Variants in MCTP1 observed in about 807,000 individuals in gnomAD.
MCTP1 encodes multiple C2 and transmembrane domain-containing protein 1.
Under a neutral mutation model 120.6 loss-of-function variants are expected in MCTP1, and 69 were observed. That is an observed-to-expected ratio of 0.57 (90% CI 0.47 to 0.70). The LOEUF is 0.70. Ranked by LOEUF, MCTP1 falls within the 30% of genes least tolerant of loss-of-function variation. MCTP1 has a pLI of 0.00. For missense variants in MCTP1, 1,203 were observed against 1,248.8 expected (o/e 0.96, Z 0.55); for synonymous variants, 529 against 493.1 (o/e 1.07, Z -0.96).
chr5:95,171,004 C>CCT, intron 1 of MCTP1, among the ~76,000 whole-genome samples: 1 of 151,968 alleles, frequency 6.6e-6, no homozygotes, highest in Admixed American at 6.6e-5. Context: ...TCTTCCTAGT[C>CCT]TCGATGGTCT....
intron 1 of MCTP1, among the ~76,000 whole-genome samples, chr5:95,246,417 T>A (rs1199299593): frequency 6.6e-6 from 1 of 151,734 alleles, no homozygotes; most frequent in Non-Finnish European, 1.5e-5. Flanking sequence ...CCATCTCACA[T>A]GCAAAGGCAC....
intron 1 of MCTP1, among the ~76,000 whole-genome samples, chr5:95,143,211 T>G (rs1760088110): frequency 2.0e-5 from 3 of 152,146 alleles, no homozygotes; most frequent in South Asian, 4.1e-4. Flanking sequence ...TTATCTTTAT[T>G]AAATTATTCA....
At chr5:94,730,343 G>A (rs953141051) in intron 19 of MCTP1, among the ~76,000 whole-genome samples, 1 of 152,072 alleles carries the variant, frequency 6.6e-6, no homozygotes, top group Non-Finnish European at 1.5e-5. Flanking sequence ...GTTTTTTGTA[G>A]ACATGGGGTC....
chr5:95,234,801 A>G (rs1305913347), intron 1 of MCTP1, among the ~76,000 whole-genome samples: 4 of 152,192 alleles, frequency 2.6e-5, no homozygotes, highest in Non-Finnish European at 5.9e-5. Flanking sequence ...ATAAATGGAT[A>G]AACTGAATAG....
intron 18 of MCTP1, among the ~76,000 whole-genome samples, chr5:94,795,484 T>A (rs1456428222): frequency 6.6e-6 from 1 of 152,218 alleles, no homozygotes; most frequent in African/African-American, 2.4e-5. Flanking sequence ...CTACAGTAAC[T>A]GTAATTTGGA....
At chr5:95,035,608 T>C (rs1841144324) in intron 1 of MCTP1, among the ~76,000 whole-genome samples, 1 of 152,034 alleles carries the variant, frequency 6.6e-6, no homozygotes, top group South Asian at 2.1e-4. Flanking sequence ...GAAAAACTAC[T>C]TATTGGGTAC....
intron 19 of MCTP1, among the ~76,000 whole-genome samples, chr5:94,756,795 C>A (rs1288036043): frequency 6.6e-6 from 1 of 152,044 alleles, no homozygotes; most frequent in Non-Finnish European, 1.5e-5. Flanking sequence ...TCCTTCTATT[C>A]TTTCAATATT....
At chr5:95,152,091 C>A (rs564562698) in intron 1 of MCTP1, among the ~76,000 whole-genome samples, 1 of 152,274 alleles carries the variant, frequency 6.6e-6, no homozygotes, top group East Asian at 1.9e-4. Flanking sequence ...TGTTTAAAAT[C>A]TAAAGTCATT....
intron 7 of MCTP1, among the ~76,000 whole-genome samples, chr5:94,920,749 A>G (rs894909080): frequency 1.4e-5 from 2 of 146,332 alleles, no homozygotes; most frequent in African/African-American, 5.0e-5. Flanking sequence ...CTCAAAATAA[A>G]TAAATAAATA....
chr5:94,993,483 G>C (rs1223447882), intron 2 of MCTP1, among the ~76,000 whole-genome samples: 1 of 152,074 alleles, frequency 6.6e-6, no homozygotes, highest in Non-Finnish European at 1.5e-5. Flanking sequence ...ACATTTCAAA[G>C]GGTTGCAAAG....
intron 17 of MCTP1, among the ~76,000 whole-genome samples, chr5:94,804,361 T>C (rs961843763): frequency 6.6e-6 from 1 of 152,224 alleles, no homozygotes; most frequent in East Asian, 1.9e-4. Flanking sequence ...TTTCACAAGT[T>C]GGCTATGGAA....
chr5:94,807,342 A>G (rs1018019689), intron 17 of MCTP1, among the ~76,000 whole-genome samples: 1 of 152,220 alleles, frequency 6.6e-6, no homozygotes, highest in Non-Finnish European at 1.5e-5. Context: ...ATAGTAATGA[A>G]TACTTAACAG....
chr5:95,008,032 A>T (rs987718579), intron 2 of MCTP1, among the ~76,000 whole-genome samples: 1 of 152,126 alleles, frequency 6.6e-6, no homozygotes, highest in Non-Finnish European at 1.5e-5. Context: ...CCCTGCCTAA[A>T]CTTTGCTTAT....
chr5:94,725,518 G>A (rs1156749131), intron 19 of MCTP1, among the ~76,000 whole-genome samples: 1 of 152,124 alleles, frequency 6.6e-6, no homozygotes, highest in South Asian at 2.1e-4. Flanking sequence ...TAGGATGTAC[G>A]TTTGTTTTTA....
intron 1 of MCTP1, among the ~76,000 whole-genome samples, chr5:95,280,808 T>C (rs373201080): frequency 6.6e-6 from 1 of 152,310 alleles, no homozygotes; most frequent in South Asian, 2.1e-4. Context: ...GTAGCCTGGT[T>C]TGTTCACTTT....
At chr5:94,959,210 A>G (rs1160129360) in intron 2 of MCTP1, among the ~76,000 whole-genome samples, 2 of 152,192 alleles carry the variant, frequency 1.3e-5, no homozygotes, top group African/African-American at 4.8e-5. Flanking sequence ...GCCTTCAATA[A>G]AATCCAACAC....
Position 94,953,804 on chromosome 5 carries a change from C to CAT in MCTP1, c.839-445_839-444dup, listed in dbSNP as rs1407387155. On this transcript the variant is annotated intron_variant, in intron 2 of 22. Coordinates refer to ENST00000515393, the MANE Select transcript of MCTP1 (RefSeq NM_024717.7). ...ATATATATTCCATGGCATATATATA[C>CAT]ATATATATATACAAATATATATATA... 5.9e-3 allele frequency among the ~76,000 whole-genome samples: 676 copies of CAT among 114,136 alleles called. 17 individuals carry two copies. The highest frequency in any genetic ancestry group is 8.8e-3 in the Non-Finnish European group (510 of 57,652). The allele number at this position is 114,136 out of a possible 152,430, so 74.9% of individuals were successfully genotyped here. A position where few individuals can be genotyped will look rare whatever the true frequency, so the allele number is the denominator to read the frequency against.
chr5:95,130,052 T>C (rs1464546294), intron 1 of MCTP1, among the ~76,000 whole-genome samples: 1 of 152,120 alleles, frequency 6.6e-6, no homozygotes, highest in Non-Finnish European at 1.5e-5. Context: ...TTTCAGACCT[T>C]TGGACTCCAG....
chr5:95,244,396 C>A (rs1005542541), intron 1 of MCTP1, among the ~76,000 whole-genome samples: 18 of 152,198 alleles, frequency 1.2e-4, no homozygotes, highest in African/African-American at 4.3e-4. Flanking sequence ...CCGGGAAGCA[C>A]AAGGGGTGGG....
Sources: allele counts gnomAD v4.1 joint callset (sites outside exome capture counted in the v4.1 genomes callset), GRCh38; gene constraint gnomAD v4.1.1; transcripts MANE v1.5; gene names NCBI Gene and HGNC (gene_info 2026-07-23, HGNC 2026-07-21).